The following ESPN variants were observed in gnomAD, a reference collection of about 807,000 sequenced individuals.
The protein encoded by ESPN is espin, also known as autosomal recessive deafness type 36 protein.
In ESPN, 68 loss-of-function variants were observed where a neutral mutation model predicts 77.7. That is an observed-to-expected ratio of 0.87 (90% CI 0.72 to 1.07). The LOEUF is 1.07. ESPN is among the 50% of genes least tolerant of loss of function. The pLI is 0.00. For missense variants in ESPN, 1,060 were observed against 1,239.0 expected (o/e 0.86, Z 2.17); for synonymous variants, 449 against 567.1 (o/e 0.79, Z 2.96).
At chr1:6,457,584 C>CTTT in intron 12 of ESPN, among the ~76,000 whole-genome samples, 1 of 152,294 alleles carries the variant, frequency 6.6e-6, no homozygotes, top group South Asian at 2.1e-4. Context: ...TTAACCTGGC[C>CTTT]TTTTCTACCC....
rs1177833987 is a variant in ESPN, at chr1:6,440,430, T to G, written c.665T>G (p.Ile222Ser). The G allele has an allele frequency of 1.9e-6, 3 of 1,564,356 alleles. No homozygotes were observed. Among genetic ancestry groups the G allele is most frequent in the South Asian group, 1.2e-5 (1 of 86,586 alleles). Residue 222 changes from isoleucine (I) to serine (S), a missense_variant, in exon 3 of 13, where the codon ATC becomes AGC. Ile to Ser is a moderately radical substitution (Grantham distance 142). Around this residue, in one of 3 missense-constraint regions of ESPN, gnomAD observed 556 missense variants for 633.6 expected, o/e 0.88. Transcript: ENST00000645284. ...AAAQMGHSPV[I>S]VWLVSCTDVS... ...GCGCAGATGGGCCACAGCCCAGTCA[T>G]CGTGTGGTTGGTGAGCTCCGGGCCC... is the stretch of plus-strand genomic sequence containing the variant.
chr1:6,454,510 C>A (rs1644014071), intron 10 of ESPN: 1 of 398,914 alleles, frequency 2.5e-6, no homozygotes, highest in African/African-American at 2.1e-5. Context: ...ATCCTCGGGC[C>A]CTTTGGCGAG....
chr1:6,432,796 C>T (rs1643297244), intron 2 of ESPN, among the ~76,000 whole-genome samples: 1 of 152,238 alleles, frequency 6.6e-6, no homozygotes, highest in Admixed American at 6.5e-5. Flanking sequence ...AGGCCCTGGC[C>T]TTCACCCGTC....
intron 3 of ESPN, 23 bp from the exon 4 acceptor site, chr1:6,440,603 C>CAAT: frequency 7.9e-7 from 1 of 1,261,254 alleles, no homozygotes; most frequent in Non-Finnish European, 1.1e-6. Context: ...CCCCGCCCCC[C>CAAT]TCTCCCCGCC....
In ESPN at chr1:6,457,181, C is replaced by T. The variant is rs531539479; in HGVS notation, c.2326-3C>T. ...GCCCTGAAGCTTTGTGGTTGTGTTT[C>T]AGGAGGAGGAGGAGGAGGCCCGGCT... On this transcript the variant is annotated splice_polypyrimidine_tract_variant and splice_region_variant and intron_variant, in intron 10 of 12. Coordinates refer to ENST00000645284, the MANE Select transcript of ESPN (RefSeq NM_031475.3). 4 of 1,594,270 alleles carry T rather than the reference C, an allele frequency of 2.5e-6. No individual in the cohort carries two copies. The South Asian group carries it at 3.4e-5, about 13-fold the overall frequency.
intron 2 of ESPN, 61 bp from the exon 3 acceptor site, chr1:6,440,193 T>C (rs1643568371): frequency 3.3e-6 from 5 of 1,509,572 alleles, no homozygotes; most frequent in African/African-American, 1.4e-5. Context: ...TGGGGGCGGG[T>C]AAGAAGGCCT....
rs1322396601 is a variant in ESPN at position 6,452,202 on chromosome 1, CT to C, written c.2325+118del. The stretch of plus-strand genomic sequence containing the variant: ...AACCTCGGGACCTCCCATTTTCTTT[CT>C]TTTTTTTTTTTCTTTTCTTGAGACA... On this transcript the variant is annotated intron_variant, in intron 10 of 12. Transcript: ENST00000645284. 48,548 of 885,060 alleles carry C rather than the reference CT, an allele frequency of 0.055. 6 individuals carry two copies. Among genetic ancestry groups the C allele is most frequent in the Middle Eastern group, 0.065 (147 of 2,250 alleles). 54.8% of individuals were successfully genotyped at this position (885,060 alleles called of 1,614,324 possible).
chr1:6,455,702 G>C (rs1644043010), intron 10 of ESPN: 2 of 399,014 alleles, frequency 5.0e-6, no homozygotes, highest in Non-Finnish European at 8.8e-6. Flanking sequence ...AGGAGCGCAA[G>C]TTCCGCCACC....
rs1262689769 is a variant in ESPN at position 6,425,248 on chromosome 1, A to C, written c.293A>C (p.Gln98Pro). The change falls in exon 1 of 13, where the codon CAG (glutamine) becomes CCG (proline). Residue 98 changes from glutamine to proline, a missense_variant and splice_region_variant. Gln to Pro is a moderately conservative substitution (Grantham distance 76). This residue lies in a region of ESPN where 556 missense variants were observed against 633.6 expected (regional missense o/e 0.88). Transcript: ENST00000645284. ...WLLSQGGCRV[Q>P]DKDNSGATVL... ...CTGTCGCAGGGCGGCTGCAGAGTGCAGGTGGGTCCGCGCGGTTCGCCAGGG... is the reference window on the plus strand; with the variant it reads ...CTGTCGCAGGGCGGCTGCAGAGTGCCGGTGGGTCCGCGCGGTTCGCCAGGG... 8.3e-6 allele frequency: 13 copies of C among 1,567,994 alleles called. No homozygotes were observed. Among genetic ancestry groups the C allele is most frequent in the Non-Finnish European group, 8.6e-7 (1 of 1,165,590 alleles).
chr1:6,445,642 G>T, intron 6 of ESPN, 22 bp from the exon 7 acceptor site: 1 of 1,610,008 alleles, frequency 6.2e-7, no homozygotes, highest in Non-Finnish European at 8.5e-7. Flanking sequence ...CCCAAATCTG[G>T]CCCTTCCTTC....
chr1:6,449,500 C>A (rs1214566440), intron 8 of ESPN, among the ~76,000 whole-genome samples: 1 of 152,342 alleles, frequency 6.6e-6, no homozygotes, highest in South Asian at 2.1e-4. Context: ...GAACCAGCTT[C>A]AGAGAGGCCC....
chr1:6,424,862 G>C lies in ESPN; in HGVS notation c.-94G>C. ...GCCTCCCGGCCCGCAGATCCCCGAC[G>C]GCCGCACCGCGGGCTCCTCTGGCCC... On this transcript the variant is annotated 5_prime_UTR_variant, in exon 1 of 13. Transcript: ENST00000645284. The C allele has an allele frequency of 3.3e-6, 4 of 1,213,608 alleles. No individual in the cohort carries two copies. The highest frequency in any genetic ancestry group is 2.5e-5 in the South Asian group (1 of 40,158). The allele number at this position is 1,213,608 out of a possible 1,614,324, so 75.2% of individuals were successfully genotyped here. A position where few individuals can be genotyped will look rare whatever the true frequency, so the allele number is the denominator to read the frequency against.
At chr1:6,453,247 G>C (rs1021345773) in intron 10 of ESPN, among the ~76,000 whole-genome samples, 113 of 152,338 alleles carry the variant, frequency 7.4e-4, no homozygotes, top group African/African-American at 2.5e-3. Flanking sequence ...GAGATTCATG[G>C]TGAACATATC....
intron 8 of ESPN, 70 bp downstream of exon 8, chr1:6,449,161 C>T: frequency 2.2e-6 from 3 of 1,378,326 alleles, no homozygotes; most frequent in South Asian, 1.5e-5. Context: ...CTAGACACCG[C>T]CCCCTCCCCA....
intron 2 of ESPN, among the ~76,000 whole-genome samples, chr1:6,431,648 A>G (rs2148507426): frequency 6.6e-6 from 1 of 150,666 alleles, no homozygotes; most frequent in Non-Finnish European, 1.5e-5. Context: ...AAAAAAAAAA[A>G]AAAAAGGAAC....
rs11121879 is a variant in ESPN, at chr1:6,445,611, G to A, written c.1193-53G>A. 83,189 of 1,589,624 alleles carry A rather than the reference G, an allele frequency of 0.052. 2,823 individuals carry two copies. Among genetic ancestry groups the A allele is most frequent in the East Asian group, 0.16 (7,129 of 44,034 alleles). ...AGGTGGTGGAGAGTCTCAGTCTTGGGGGACAGCCTGTCTGCATGCTCCCAA... is the reference window on the plus strand; with the variant it reads ...AGGTGGTGGAGAGTCTCAGTCTTGGAGGACAGCCTGTCTGCATGCTCCCAA... On this transcript the variant is annotated intron_variant, in intron 6 of 12. Transcript: ENST00000645284.
At chr1:6,444,728 C>T in intron 6 of ESPN, 46 bp downstream of exon 6, 1 of 1,601,442 alleles carries the variant, frequency 6.2e-7, no homozygotes, top group Admixed American at 1.7e-5. Context: ...CAGACTGAAG[C>T]CAGACTGCTG....
At chr1:6,429,110 A>AG (rs1372662134) in intron 2 of ESPN, among the ~76,000 whole-genome samples, 2 of 103,306 alleles carry the variant, frequency 1.9e-5, no homozygotes, top group Admixed American at 9.4e-5. Context: ...GGAGGGAGGG[A>AG]GGGAGGGACT....
At chr1:6,449,142 G>T in intron 8 of ESPN, 51 bp downstream of exon 8, 3 of 1,422,898 alleles carry the variant, frequency 2.1e-6, no homozygotes, top group African/African-American at 3.0e-5. Context: ...CCTGAAAGGG[G>T]AGGGAAATCT....
Sources: allele counts gnomAD v4.1 joint callset (sites outside exome capture counted in the v4.1 genomes callset), GRCh38; gene constraint gnomAD v4.1.1; regional missense constraint gnomAD v4.1.1; transcripts MANE v1.5; gene names NCBI Gene and HGNC (gene_info 2026-07-23, HGNC 2026-07-21).